The following OPTC variants were observed in gnomAD, a reference collection of about 807,000 sequenced individuals.
The protein encoded by OPTC is opticin, also known as oculoglycan.
A neutral mutation model predicts 25.4 loss-of-function variants in OPTC; 22 were observed. That is an observed-to-expected ratio of 0.87 (90% confidence interval 0.62 to 1.24). The LOEUF (loss-of-function observed/expected upper bound fraction) is 1.24. Ranked by LOEUF, OPTC falls within the 50% of genes most tolerant of loss-of-function variation. OPTC has a pLI of 0.00. For missense variants in OPTC, 417 were observed against 425.2 expected (o/e 0.98, Z 0.17); for synonymous variants, 169 against 179.3 (o/e 0.94, Z 0.46).
intron 5 of OPTC, 106 bp from the exon 6 acceptor site, chr1:203,502,808 C>T: frequency 2.3e-6 from 2 of 868,700 alleles, no homozygotes; most frequent in Non-Finnish European, 3.8e-6. Context: ...GCTAAGTGAG[C>T]CCTGAGTGAA....
Position 203,499,867 on chromosome 1 carries a change from A to C in OPTC, c.732+16A>C. On this transcript the variant is annotated intron_variant, in intron 5 of 7. Coordinates refer to ENST00000367222, the MANE Select transcript of OPTC (RefSeq NM_014359.4). Reference sequence around the variant, plus strand: ...AGCCTTCAGGGTGAGTCAAGGCCTTAGATCCACTATCTATCACCTCCACCA... The same window carrying C: ...AGCCTTCAGGGTGAGTCAAGGCCTTCGATCCACTATCTATCACCTCCACCA... The C allele has an allele frequency of 1.2e-6, 2 of 1,605,032 alleles. No homozygotes were observed. The highest frequency in any genetic ancestry group is 1.7e-6 in the Non-Finnish European group (2 of 1,176,608).
intron 7 of OPTC, among the ~76,000 whole-genome samples, chr1:203,504,700 T>C (rs1661448648): frequency 6.6e-6 from 1 of 152,186 alleles, no homozygotes; most frequent in African/African-American, 2.4e-5. Flanking sequence ...GATGGAGAAC[T>C]GACACGAATC....
rs770017633 is a variant in OPTC at position 203,496,171 on chromosome 1, T to G, written c.166T>G (p.Tyr56Asp). ...GAATGATGTCCTGAACCCAGACAAC[T>G]ATGGTGAAGTCATTGACCTGAGCAA... is the stretch of plus-strand genomic sequence containing the variant. Reference protein sequence around the residue: ...LRNDVLNPDNYGEVIDLSNYE... With the variant: ...LRNDVLNPDNDGEVIDLSNYE... The change falls in exon 2 of 8, where the codon TAT becomes GAT. Residue 56 changes from tyrosine to aspartate, a missense_variant. Physicochemically the swap from Tyr to Asp is radical, Grantham distance 160. Coordinates refer to ENST00000367222, the MANE Select transcript of OPTC (RefSeq NM_014359.4). 1.2e-6 allele frequency: 2 copies of G among 1,614,142 alleles called. No individual in the cohort carries two copies. Among genetic ancestry groups the G allele is most frequent in the East Asian group, 2.2e-5 (1 of 44,874 alleles).
intron 7 of OPTC, among the ~76,000 whole-genome samples, chr1:203,506,953 C>T (rs563213307): frequency 4.6e-5 from 7 of 152,240 alleles, no homozygotes; most frequent in Admixed American, 4.6e-4. Flanking sequence ...CCCCAAGGGC[C>T]GCTGCCTCTG....
At chr1:203,502,451 A>C (rs544717377) in intron 5 of OPTC, among the ~76,000 whole-genome samples, 1 of 152,196 alleles carries the variant, frequency 6.6e-6, no homozygotes, top group South Asian at 2.1e-4. Flanking sequence ...GGTCTCCTTT[A>C]TTGGAGGGTT....
intron 7 of OPTC, among the ~76,000 whole-genome samples, chr1:203,507,375 C>T (rs4246548): frequency 0.18 from 27,455 of 151,976 alleles, 2,761 homozygotes; most frequent in East Asian, 0.32. Context: ...CAGCCAGGCA[C>T]GGCAGCTAGC....
At chr1:203,505,438 T>C (rs1039339863) in intron 7 of OPTC, among the ~76,000 whole-genome samples, 1 of 152,178 alleles carries the variant, frequency 6.6e-6, no homozygotes, top group Non-Finnish European at 1.5e-5. Flanking sequence ...CCAAGGCAAC[T>C]ATTCAAGGTC....
At chr1:203,498,941 C>T in intron 4 of OPTC, 102 bp downstream of exon 4, 2 of 1,334,222 alleles carry the variant, frequency 1.5e-6, no homozygotes, top group South Asian at 1.2e-5. Context: ...CGTGTTAGCT[C>T]TTTCCTGTTG....
At chr1:203,507,162 G>A (rs539811268) in intron 7 of OPTC, among the ~76,000 whole-genome samples, 4 of 152,188 alleles carry the variant, frequency 2.6e-5, no homozygotes, top group Admixed American at 6.5e-5. Context: ...ATCTTGATGT[G>A]AACAGCTAGG....
intron 7 of OPTC, among the ~76,000 whole-genome samples, chr1:203,507,151 G>A (rs1366532401): frequency 1.3e-5 from 2 of 152,202 alleles, no homozygotes; most frequent in East Asian, 1.9e-4. Context: ...GTTCCTTCTC[G>A]ATCTTGATGT....
chr1:203,506,864 AC>A (rs1276971798), intron 7 of OPTC, among the ~76,000 whole-genome samples: 1 of 152,148 alleles, frequency 6.6e-6, no homozygotes, highest in Non-Finnish European at 1.5e-5. Flanking sequence ...CAATGCAGAC[AC>A]CATTTTCAAG....
Position 203,496,195 on chromosome 1 carries a change from A to G in OPTC, c.190A>G (p.Asn64Asp). The G allele has an allele frequency of 6.2e-7, 1 of 1,614,074 alleles. No individual in the cohort carries two copies. The highest frequency in any genetic ancestry group is 1.1e-5 in the South Asian group (1 of 91,080). The part of the protein sequence containing the change: ...DNYGEVIDLS[N>D]YEELTDYGDQ... ...CTATGGTGAAGTCATTGACCTGAGC[A>G]ACTATGAGGAGCTCACAGATTATGG... Residue 64 changes from asparagine to aspartate, a missense_variant, in exon 2 of 8, where the codon AAC (asparagine) becomes GAC (aspartate). By Grantham distance (23) the Asn-to-Asp change is conservative. Transcript: ENST00000367222.
At chr1:203,501,706 C>T (rs1661393867) in intron 5 of OPTC, among the ~76,000 whole-genome samples, 1 of 152,216 alleles carries the variant, frequency 6.6e-6, no homozygotes, top group Admixed American at 6.5e-5. Flanking sequence ...CTTCCACCCT[C>T]TCAGCCTTCT....
intron 2 of OPTC, 114 bp from the exon 3 acceptor site, chr1:203,496,863 C>A: frequency 1.8e-6 from 2 of 1,116,692 alleles, no homozygotes; most frequent in Non-Finnish European, 2.7e-6. Context: ...CCTCCTCCTC[C>A]TCCACAGTGA....
At position 203,496,114 on chromosome 1, in the gene OPTC, G is replaced by A; in HGVS notation, c.109G>A (p.Glu37Lys). 6.2e-7 allele frequency: 1 copy of A among 1,614,132 alleles called. No homozygotes were observed. Among genetic ancestry groups the A allele is most frequent in the Non-Finnish European group, 8.5e-7 (1 of 1,179,982 alleles). Residue 37 changes from glutamate to lysine, a missense_variant, in exon 2 of 8, where the codon GAA (glutamate) becomes AAA (lysine). Glu to Lys is a moderately conservative substitution (Grantham distance 56). Coordinates refer to ENST00000367222, the MANE Select transcript of OPTC (RefSeq NM_014359.4). ...RKRREEQMPR[E>K]GDSFEVLPLR... is the part of the protein sequence containing the mutation. Reference sequence around the variant, plus strand: ...GAGGAGAGAGGAGCAGATGCCCAGGGAAGGCGATTCCTTTGAAGTTCTGCC... The same window carrying A: ...GAGGAGAGAGGAGCAGATGCCCAGGAAAGGCGATTCCTTTGAAGTTCTGCC...
chr1:203,496,721 T>C (rs1049864204), intron 2 of OPTC, among the ~76,000 whole-genome samples: 8 of 152,088 alleles, frequency 5.3e-5, no homozygotes, highest in Admixed American at 1.3e-4. Flanking sequence ...CGTCTCTGCC[T>C]TGACCACCTG....
In OPTC at chr1:203,494,230, G is replaced by A. The variant is rs1269661410; in HGVS notation, c.-42+13G>A. ...AAGCATTGAAGGGGTAAGGCTCAAGGTTGAGGCCTCTGGCCATCGGTGCGC... is the reference window on the plus strand; with the variant it reads ...AAGCATTGAAGGGGTAAGGCTCAAGATTGAGGCCTCTGGCCATCGGTGCGC... On this transcript the variant is annotated intron_variant, in intron 1 of 7. Coordinates refer to ENST00000367222, the MANE Select transcript of OPTC (RefSeq NM_014359.4). 2.6e-5 allele frequency: 4 copies of A among 152,206 alleles called. No homozygotes were observed. The highest frequency in any genetic ancestry group is 9.7e-5 in the African/African-American group (4 of 41,414). The allele number at this position is 152,206 out of a possible 1,614,324, so 9.4% of individuals were successfully genotyped here. A position where few individuals can be genotyped will look rare whatever the true frequency, so the allele number is the denominator to read the frequency against.
rs72743636 is a variant in OPTC at position 203,502,835 on chromosome 1, T to C, written c.733-79T>C. 14,458 of 1,085,198 alleles carry C rather than the reference T, an allele frequency of 0.013. 220 individuals carry two copies. Among genetic ancestry groups the C allele is most frequent in the South Asian group, 0.042 (3,256 of 78,306 alleles). 67.2% of individuals were successfully genotyped at this position (1,085,198 alleles called of 1,614,324 possible). Reference sequence around the variant, plus strand: ...CTGAGTGAACAAATGGGGCCACCTGTCTCTGGTCTCATAGCCCTCCTCACT... The same window carrying C: ...CTGAGTGAACAAATGGGGCCACCTGCCTCTGGTCTCATAGCCCTCCTCACT... On this transcript the variant is annotated intron_variant, in intron 5 of 7. Transcript: ENST00000367222.
chr1:203,498,109 C>T (rs1451026764), intron 3 of OPTC, among the ~76,000 whole-genome samples: 1 of 152,154 alleles, frequency 6.6e-6, no homozygotes, highest in African/African-American at 2.4e-5. Flanking sequence ...CCTCATTACC[C>T]GTGGGTACAG....
Sources: gnomAD v4.1 joint callset for allele counts (sites outside exome capture counted in the v4.1 genomes callset) on GRCh38, gnomAD v4.1.1 for gene constraint, MANE v1.5 for transcripts, NCBI Gene and HGNC (gene_info 2026-07-23, HGNC 2026-07-21) for gene names.